The following GABRP variants were observed in gnomAD, a reference collection of about 807,000 sequenced individuals.
The protein encoded by GABRP is gamma-aminobutyric acid receptor subunit pi.
GABRP carries 52 observed loss-of-function variants against 47.8 expected under a neutral mutation model. The ratio of observed to expected loss-of-function variants is 1.09; its 90% CI spans 0.87 to 1.37. GABRP has a LOEUF of 1.37. Among genes scored for constraint, GABRP ranks in the 40% most tolerant of loss-of-function variants. GABRP has a pLI of 0.00. For synonymous variants in GABRP, 221 were observed against 205.8 expected, an observed-to-expected ratio of 1.07 and a Z score of -0.63; for missense variants, 525 against 542.8, an observed-to-expected ratio of 0.97 and a Z score of 0.33.
chr5:170,802,604 A>G (rs1765624871), intron 6 of GABRP, among the ~76,000 whole-genome samples: 1 of 152,230 alleles, frequency 6.6e-6, no homozygotes, highest in South Asian at 2.1e-4. Context: ...CCTTCCGTGT[A>G]TCGTGGCTGG....
At position 170,805,611 on chromosome 5, in the gene GABRP, A is replaced by G. The variant is rs1005262452; in HGVS notation, c.542-105A>G. On this transcript the variant is annotated intron_variant, in intron 6 of 9. Coordinates refer to ENST00000265294, the MANE Select transcript of GABRP (RefSeq NM_014211.3). ...TGGGATTGTCCTTGGACTTATCACT[A>G]TGAAGAAAGAACTCATGCTGTCTCC... The G allele has an allele frequency of 7.0e-6, 9 of 1,285,204 alleles. No individual in the cohort carries two copies. In the Admixed American group the frequency reaches 9.2e-5, roughly 13 times the overall value. 79.6% of individuals were successfully genotyped at this position (1,285,204 alleles called of 1,614,324 possible). A position where few individuals can be genotyped will look rare whatever the true frequency, so the allele number is the denominator to read the frequency against.
In GABRP at chr5:170,812,109, A is replaced by C; in HGVS notation, c.1174A>C (p.Lys392Gln). The change falls in exon 10 of 10, where the codon AAG (lysine) becomes CAG (glutamine). Residue 392 changes from lysine to glutamine, a missense_variant. By Grantham distance (53) the Lys-to-Gln change is moderately conservative. Coordinates refer to ENST00000265294, the MANE Select transcript of GABRP (RefSeq NM_014211.3). Reference sequence around the variant, plus strand: ...GACAATGAAAACCAGCGACAAGTTCAAGTTTGTCTTCCGAGAAAAGATGGG... The same window carrying C: ...GACAATGAAAACCAGCGACAAGTTCCAGTTTGTCTTCCGAGAAAAGATGGG... ...DLTMKTSDKFKFVFREKMGRI... is the reference protein window; with the variant it reads ...DLTMKTSDKFQFVFREKMGRI... 1 of 1,614,182 alleles carries C rather than the reference A, an allele frequency of 6.2e-7. No homozygotes were observed. Among genetic ancestry groups the C allele is most frequent in the Non-Finnish European group, 8.5e-7 (1 of 1,180,024 alleles).
At chr5:170,810,448 G>C (rs1360288461) in intron 9 of GABRP, among the ~76,000 whole-genome samples, 2 of 152,046 alleles carry the variant, frequency 1.3e-5, no homozygotes, top group Non-Finnish European at 2.9e-5. Context: ...CTTACCGCAG[G>C]GGATATAGAT....
intron 9 of GABRP, 110 bp from the exon 10 acceptor site, chr5:170,811,846 A>C (rs1374446936): frequency 2.0e-6 from 2 of 1,006,242 alleles, no homozygotes; most frequent in East Asian, 4.9e-5. Context: ...ACTCTCTATT[A>C]AGCCTAATTA....
rs74362424 is a variant in GABRP at position 170,803,567 on chromosome 5, C to T, written c.542-2149C>T. On this transcript the variant is annotated intron_variant, in intron 6 of 9. Coordinates refer to ENST00000265294, the MANE Select transcript of GABRP (RefSeq NM_014211.3). ...ATTTTTAGTACATTTCCGAGTAGTGCAACCATCACCACATGTCATTGTTAG... is the reference window on the plus strand; with the variant it reads ...ATTTTTAGTACATTTCCGAGTAGTGTAACCATCACCACATGTCATTGTTAG... Among the ~76,000 whole-genome samples the T allele has an allele frequency of 9.4e-3, 1,438 of 152,224 alleles. 28 individuals carry two copies. The highest frequency in any genetic ancestry group is 0.033 in the African/African-American group (1,356 of 41,532).
intron 5 of GABRP, among the ~76,000 whole-genome samples, chr5:170,797,188 C>A (rs990103684): frequency 6.6e-6 from 1 of 152,238 alleles, no homozygotes; most frequent in Non-Finnish European, 1.5e-5. Flanking sequence ...TAAAGCATCT[C>A]GAGCCAATGC....
chr5:170,787,210 T>C (rs923263117), intron 1 of GABRP, among the ~76,000 whole-genome samples: 3 of 152,190 alleles, frequency 2.0e-5, no homozygotes, highest in Non-Finnish European at 2.9e-5. Context: ...GTTTTGAAAG[T>C]AAAATAACAT....
chr5:170,789,075 C>T (rs994265930), intron 2 of GABRP, 54 bp from the exon 3 acceptor site: 49 of 1,366,530 alleles, frequency 3.6e-5, no homozygotes, highest in Non-Finnish European at 4.7e-5. Context: ...GGTGTGTACA[C>T]GTGTTGATTC....
chr5:170,782,757 G>GCC (rs978077257), upstream of GABRP: 5 of 152,120 alleles, frequency 3.3e-5, no homozygotes, highest in African/African-American at 1.2e-4. Context: ...CAGGAGCTTC[G>GCC]CCATGATGTC....
At chr5:170,789,996 C>T (rs987485922) in intron 3 of GABRP, among the ~76,000 whole-genome samples, 3 of 152,194 alleles carry the variant, frequency 2.0e-5, no homozygotes, top group Admixed American at 6.5e-5. Flanking sequence ...TCCTTGTGAA[C>T]ATGCCTCAAA....
chr5:170,811,487 GA>G (rs1270176001), intron 9 of GABRP, among the ~76,000 whole-genome samples: 1 of 152,046 alleles, frequency 6.6e-6, no homozygotes, highest in African/African-American at 2.4e-5. Flanking sequence ...GAACAGAATT[GA>G]AGTCATCAAA....
At chr5:170,809,087 C>A (rs1248414115) in intron 8 of GABRP, among the ~76,000 whole-genome samples, 1 of 152,120 alleles carries the variant, frequency 6.6e-6, no homozygotes, top group African/African-American at 2.4e-5. Context: ...CAGGCATGTG[C>A]CATGATGCCC....
At chr5:170,811,550 A>G (rs1474901024) in intron 9 of GABRP, among the ~76,000 whole-genome samples, 1 of 152,186 alleles carries the variant, frequency 6.6e-6, no homozygotes, top group African/African-American at 2.4e-5. Context: ...CATCAGTCTC[A>G]AGATGGCAAT....
Position 170,798,262 on chromosome 5 carries a change from C to T in GABRP, c.541+714C>T, listed in dbSNP as rs561906501. On this transcript the variant is annotated intron_variant, in intron 6 of 9. Transcript: ENST00000265294. The stretch of plus-strand genomic sequence containing the variant: ...TTCACCATGTTAGCCAGGATGGTCT[C>T]GATCTCCTGACCTCATGATCTGCCT... 1.2e-3 allele frequency among the ~76,000 whole-genome samples: 188 copies of T among 152,240 alleles called. 1 individual carries two copies. Among genetic ancestry groups the T allele is most frequent in the African/African-American group, 4.4e-3 (184 of 41,548 alleles).
intron 1 of GABRP, among the ~76,000 whole-genome samples, chr5:170,787,269 G>A (rs1437103088): frequency 6.6e-6 from 1 of 152,240 alleles, no homozygotes; most frequent in Non-Finnish European, 1.5e-5. Context: ...CCAGATTCTA[G>A]AAAGTGGCTT....
At chr5:170,798,782 AT>A (rs573397984) in intron 6 of GABRP, among the ~76,000 whole-genome samples, 16 of 140,724 alleles carry the variant, frequency 1.1e-4, no homozygotes, top group Non-Finnish European at 1.6e-4. Context: ...TTCTTTTTTC[AT>A]TTTTTTTGTT....
intron 3 of GABRP, among the ~76,000 whole-genome samples, chr5:170,792,674 G>A (rs3828621): frequency 0.16 from 24,676 of 152,046 alleles, 3,121 homozygotes; most frequent in African/African-American, 0.34. Context: ...CAAAGATCTC[G>A]CCCTTTCCCA....
chr5:170,809,240 A>T (rs775185792), intron 8 of GABRP, among the ~76,000 whole-genome samples: 4 of 152,162 alleles, frequency 2.6e-5, no homozygotes, highest in Non-Finnish European at 5.9e-5. Flanking sequence ...CCCTGCCAGG[A>T]GTGGTGCATT....
At chr5:170,811,276 AG>A (rs1305994510) in intron 9 of GABRP, among the ~76,000 whole-genome samples, 1 of 151,086 alleles carries the variant, frequency 6.6e-6, no homozygotes, top group Non-Finnish European at 1.5e-5. Context: ...ACACCTAGCA[AG>A]CGGCCTGGTC....
Sources: gnomAD v4.1 joint callset for allele counts (sites outside exome capture counted in the v4.1 genomes callset) on GRCh38, gnomAD v4.1.1 for gene constraint, MANE v1.5 for transcripts, NCBI Gene and HGNC (gene_info 2026-07-23, HGNC 2026-07-21) for gene names.